Variants in ABTB3 observed in about 807,000 individuals in gnomAD.
The protein encoded by ABTB3 is ankyrin repeat- and BTB/POZ domain-containing protein 3.
chr12:107,607,406 C>A, the ABTB3 span, among the ~76,000 whole-genome samples: 10 of 152,300 alleles, frequency 6.6e-5, no homozygotes, highest in East Asian at 3.9e-4. Context: ...AGCTCTCCCC[C>A]ACTGCCGGGG....
chr12:107,521,780 C>T, the ABTB3 span, among the ~76,000 whole-genome samples: 2 of 148,488 alleles, frequency 1.3e-5, no homozygotes, highest in African/African-American at 5.0e-5. Context: ...ACTTACTCTT[C>T]CCTCTGCCTG....
chr12:107,637,502 G>C, the ABTB3 span, among the ~76,000 whole-genome samples: 1 of 152,200 alleles, frequency 6.6e-6, no homozygotes. Flanking sequence ...GAGGCTCAAA[G>C]CTCATGATAT....
chr12:107,429,657 C>T, the ABTB3 span, among the ~76,000 whole-genome samples: 31 of 152,270 alleles, frequency 2.0e-4, no homozygotes, highest in Non-Finnish European at 4.0e-4. Context: ...TCAATGGATT[C>T]GTTTTCTCCA....
the ABTB3 span, among the ~76,000 whole-genome samples, chr12:107,394,824 C>T: frequency 6.6e-6 from 1 of 152,212 alleles, no homozygotes; most frequent in Non-Finnish European, 1.5e-5. Flanking sequence ...CACCAAAAAA[C>T]ATTGTTCTCT....
the ABTB3 span, among the ~76,000 whole-genome samples, chr12:107,388,595 C>CCTCT: frequency 1.3e-5 from 2 of 150,402 alleles, no homozygotes; most frequent in African/African-American, 4.9e-5. Flanking sequence ...CTTCCCTCTT[C>CCTCT]CTCTCTCTCT....
At chr12:107,596,186 A>C in the ABTB3 span, among the ~76,000 whole-genome samples, 3 of 152,376 alleles carry the variant, frequency 2.0e-5, no homozygotes, top group African/African-American at 7.2e-5. Flanking sequence ...ATACCAGAAC[A>C]TATCACATTG....
chr12:107,444,559 T>C, the ABTB3 span, among the ~76,000 whole-genome samples: 3 of 152,088 alleles, frequency 2.0e-5, no homozygotes, highest in African/African-American at 7.3e-5. Context: ...TCCTGTTTTA[T>C]GTATGAGAAA....
At chr12:107,618,484 A>ACGTGTGTGTG in the ABTB3 span, 2 of 931,234 alleles carry the variant, frequency 2.1e-6, no homozygotes, top group Non-Finnish European at 1.6e-6. Context: ...CAAAACACGC[A>ACGTGTGTGTG]CATGCACACA....
chr12:107,508,857 A>G, the ABTB3 span, among the ~76,000 whole-genome samples: 1 of 152,184 alleles, frequency 6.6e-6, no homozygotes, highest in Non-Finnish European at 1.5e-5. Context: ...ACTACTGTTT[A>G]GGGGACAAGG....
chr12:107,399,843 C>G, the ABTB3 span, among the ~76,000 whole-genome samples: 1 of 152,076 alleles, frequency 6.6e-6, no homozygotes, highest in Non-Finnish European at 1.5e-5. Flanking sequence ...CCCTTGCCCC[C>G]GACAGCCCGA....
chr12:107,479,644 C>A, the ABTB3 span, among the ~76,000 whole-genome samples: 1 of 152,034 alleles, frequency 6.6e-6, no homozygotes, highest in Non-Finnish European at 1.5e-5. Flanking sequence ...ATCATTTCAC[C>A]TTAGCCCTAT....
the ABTB3 span, among the ~76,000 whole-genome samples, chr12:107,450,197 A>T: frequency 6.6e-6 from 1 of 151,858 alleles, no homozygotes; most frequent in African/African-American, 2.4e-5. Context: ...TCCCTTTTTT[A>T]AAAAAATCAT....
the ABTB3 span, among the ~76,000 whole-genome samples, chr12:107,488,863 T>G: frequency 1.3e-5 from 2 of 151,908 alleles, no homozygotes; most frequent in African/African-American, 4.8e-5. Flanking sequence ...TTTAGAACAG[T>G]GTGTGTAGAT....
chr12:107,433,296 C>CAAAA, the ABTB3 span, among the ~76,000 whole-genome samples: 4 of 23,118 alleles, frequency 1.7e-4, no homozygotes, highest in African/African-American at 2.6e-4. Flanking sequence ...GACTCCGTCT[C>CAAAA]AAAAAAAAAA....
chr12:107,501,983 A>C, the ABTB3 span, among the ~76,000 whole-genome samples: 2 of 151,916 alleles, frequency 1.3e-5, no homozygotes, highest in Admixed American at 6.6e-5. Context: ...ATTACCATGG[A>C]GATCATTGAA....
At chr12:107,508,448 T>TG in the ABTB3 span, among the ~76,000 whole-genome samples, 8 of 117,324 alleles carry the variant, frequency 6.8e-5, no homozygotes, top group South Asian at 3.3e-4. Context: ...CTTTTTTTTT[T>TG]TTTTTTTTTT....
chr12:107,439,919 T>A, the ABTB3 span, among the ~76,000 whole-genome samples: 1 of 152,246 alleles, frequency 6.6e-6, no homozygotes, highest in Non-Finnish European at 1.5e-5. Context: ...CCTGCTGGTA[T>A]TAATTCCCTG....
At chr12:107,638,326 T>C in the ABTB3 span, among the ~76,000 whole-genome samples, 2 of 152,064 alleles carry the variant, frequency 1.3e-5, no homozygotes, top group Non-Finnish European at 2.9e-5. Context: ...TGGGTCCAAG[T>C]TACAGCAGTC....
chr12:107,355,666 A>G, the ABTB3 span, among the ~76,000 whole-genome samples: 2 of 152,202 alleles, frequency 1.3e-5, no homozygotes, highest in African/African-American at 4.8e-5. Flanking sequence ...GGTTTATTAT[A>G]TATATCAGAA....
Sources: gnomAD v4.1 joint callset for allele counts (sites outside exome capture counted in the v4.1 genomes callset) on GRCh38, gnomAD v4.1.1 for gene constraint, MANE v1.5 for transcripts, NCBI Gene and HGNC (gene_info 2026-07-23, HGNC 2026-07-21) for gene names.